Variants in KLHDC4 observed in about 807,000 individuals in gnomAD.
KLHDC4 encodes the protein kelch domain-containing protein 4.
Under a neutral mutation model 62.4 loss-of-function variants are expected in KLHDC4, and 90 were observed. That is an observed-to-expected ratio of 1.44 (90% CI 1.22 to 1.72). KLHDC4 has a LOEUF of 1.72. Among genes scored for constraint, KLHDC4 ranks in the 40% most tolerant of loss-of-function variants. The probability of loss-of-function intolerance (pLI) is 0.00; values close to 1 mark genes in which losing one functional copy is unlikely to be tolerated. For missense variants in KLHDC4, 1,025 were observed against 699.7 expected (o/e 1.47, Z -5.25); for synonymous variants, 386 against 284.4 (o/e 1.36, Z -3.59).
rs143004703 is a variant in KLHDC4, at chr16:87,741,797, G to A, written c.506+6876C>T. Among the ~76,000 whole-genome samples, 27 of 152,270 alleles carry A rather than the reference G, an allele frequency of 1.8e-4. No homozygotes were observed. In the East Asian group the frequency reaches 4.0e-3, roughly 23 times the overall value. ...CAGATACTGAATCCAGACTCCCTGC[G>A]CCTCTACCAATATTTAATTCCCGCC... On this transcript the variant is annotated intron_variant, in intron 5 of 11. Transcript: ENST00000270583.
chr16:87,722,583 G>A (rs1597487802), intron 7 of KLHDC4, among the ~76,000 whole-genome samples: 1 of 152,362 alleles, frequency 6.6e-6, no homozygotes, highest in East Asian at 1.9e-4. Flanking sequence ...ACAGAAGACT[G>A]GCCCTGTGAG....
intron 4 of KLHDC4, among the ~76,000 whole-genome samples, chr16:87,751,347 G>A (rs1012497032): frequency 4.6e-5 from 7 of 152,080 alleles, no homozygotes; most frequent in African/African-American, 1.2e-4. Flanking sequence ...GGTGGCATGC[G>A]CCTGTAAACC....
At chr16:87,711,103 C>A (rs1308782645) in intron 9 of KLHDC4, 132 bp downstream of exon 9, 9 of 798,814 alleles carry the variant, frequency 1.1e-5, no homozygotes, top group Admixed American at 7.0e-5. Context: ...GAGACGGAAC[C>A]CTCGCCCCTC....
chr16:87,743,467 C>T (rs905322309), intron 5 of KLHDC4, among the ~76,000 whole-genome samples: 3 of 152,112 alleles, frequency 2.0e-5, no homozygotes, highest in East Asian at 1.9e-4. Flanking sequence ...TGGCCAGGCG[C>T]CGTGGCTCAT....
chr16:87,765,749 C>G, intron 1 of KLHDC4, 43 bp downstream of exon 1: 7 of 1,532,336 alleles, frequency 4.6e-6, no homozygotes, highest in Non-Finnish European at 3.5e-6. Flanking sequence ...CGAGGCTGCA[C>G]GGCCGCGACG....
chr16:87,757,714 AC>A (rs959981010), intron 2 of KLHDC4, among the ~76,000 whole-genome samples: 9 of 150,396 alleles, frequency 6.0e-5, no homozygotes, highest in African/African-American at 1.2e-4. Flanking sequence ...ACACGGTGAA[AC>A]CCCCCGTCTC....
downstream of KLHDC4, among the ~76,000 whole-genome samples, chr16:87,704,628 C>A (rs570137217): frequency 6.6e-6 from 1 of 151,946 alleles, no homozygotes; most frequent in South Asian, 2.1e-4. Context: ...TGGGGAGGGT[C>A]TCTCTCACCA....
At chr16:87,744,055 G>A (rs1380093387) in intron 5 of KLHDC4, among the ~76,000 whole-genome samples, 1 of 152,114 alleles carries the variant, frequency 6.6e-6, no homozygotes, top group Non-Finnish European at 1.5e-5. Context: ...GAGGGGGGCA[G>A]ATCACTTGAG....
Position 87,761,991 on chromosome 16 carries a change from C to A in KLHDC4, c.149G>T (p.Arg50Met). ...IAHFQTLDAK[R>M]TQTVELPCPP... ...GCACGGAAGTTCCACAGTCTGAGTC[C>A]TCTTGGCATCGAGTGTCTGGAAATG... The change falls in exon 2 of 12, where the codon AGG becomes ATG. Residue 50 changes from arginine to methionine, a missense_variant. Arg to Met is a moderately conservative substitution (Grantham distance 91). Transcript: ENST00000270583. 1 of 1,613,964 alleles carries A rather than the reference C, an allele frequency of 6.2e-7. No homozygotes were observed. The highest frequency in any genetic ancestry group is 1.1e-5 in the South Asian group (1 of 91,040).
At chr16:87,742,691 C>T (rs2143016228) in intron 5 of KLHDC4, among the ~76,000 whole-genome samples, 1 of 152,288 alleles carries the variant, frequency 6.6e-6, no homozygotes, top group African/African-American at 2.4e-5. Context: ...CAGGAAGGAG[C>T]AGTCTCCTGG....
At chr16:87,719,850 T>A (rs2037902785) in intron 7 of KLHDC4, among the ~76,000 whole-genome samples, 1 of 152,160 alleles carries the variant, frequency 6.6e-6, no homozygotes, top group Non-Finnish European at 1.5e-5. Context: ...TGGAATTACT[T>A]AGCATCCGGC....
downstream of KLHDC4, among the ~76,000 whole-genome samples, chr16:87,707,357 G>A (rs778289882): frequency 1.2e-4 from 19 of 152,186 alleles, no homozygotes; most frequent in East Asian, 3.9e-4. Context: ...CCCTAAACCC[G>A]ACTGGGACAG....
At chr16:87,704,666 G>A (rs947887197), downstream of KLHDC4, among the ~76,000 whole-genome samples, 66 of 152,186 alleles carry the variant, frequency 4.3e-4, 1 homozygote, top group African/African-American at 1.5e-3. Context: ...TGGTCCCCCA[G>A]TGACTTTGTC....
intron 1 of KLHDC4, among the ~76,000 whole-genome samples, chr16:87,764,713 T>C (rs1033546073): frequency 5.4e-5 from 8 of 148,536 alleles, no homozygotes; most frequent in Non-Finnish European, 1.5e-5. Flanking sequence ...GAGTGCTTAC[T>C]TTCTGCCAAG....
intron 10 of KLHDC4, 127 bp downstream of exon 10, chr16:87,709,138 G>A (rs1344836843): frequency 6.6e-6 from 8 of 1,205,316 alleles, no homozygotes; most frequent in African/African-American, 1.5e-5. Flanking sequence ...GTGGAGGCAG[G>A]AGCACAGGCG....
chr16:87,765,804 C>G lies in KLHDC4; in HGVS notation c.87G>C (p.Ser29=), dbSNP rs2046580373. The change falls in exon 1 of 12, where the codon TCG becomes TCC. Residue 29 remains serine (S), a synonymous_variant. Transcript: ENST00000270583. ...AKMEKKVSKR[S]RKEEEDLEAL... ...CTGACCCGCTCACCTCCTCCTTCCGCGAGCGCTTAGACACCTTCTTCTCCA... is the reference window on the plus strand; with the variant it reads ...CTGACCCGCTCACCTCCTCCTTCCGGGAGCGCTTAGACACCTTCTTCTCCA... 6.4e-7 allele frequency: 1 copy of G among 1,570,816 alleles called. No homozygotes were observed. The highest frequency in any genetic ancestry group is 8.6e-7 in the Non-Finnish European group (1 of 1,157,780).
exon 1 of KLHDC4, chr16:87,702,171 G>A (rs778393310): frequency 1.5e-5 from 7 of 456,086 alleles, no homozygotes; most frequent in East Asian, 7.0e-5. Flanking sequence ...TGGGTTCAAC[G>A]TTGACCACCA....
chr16:87,726,791 C>T lies in KLHDC4; in HGVS notation c.733G>A (p.Val245Ile), dbSNP rs1457953156. 2.5e-6 allele frequency: 4 copies of T among 1,597,278 alleles called. No homozygotes were observed. Among genetic ancestry groups the T allele is most frequent in the East Asian group, 2.3e-5 (1 of 43,406 alleles). ...TGTTTCGAGTAGCCCCCATAGACGA[C>T]GATGCCGCCCTGGGGAGTGACGGAC... ...QMSVTPQGGI[V>I]VYGGYSKQRV... The change falls in exon 7 of 12, where the codon GTC (valine) becomes ATC (isoleucine). Residue 245 changes from valine (V) to isoleucine (I), a missense_variant. Coordinates refer to ENST00000270583, the MANE Select transcript of KLHDC4 (RefSeq NM_017566.4).
intron 7 of KLHDC4, among the ~76,000 whole-genome samples, chr16:87,721,414 T>TAAA (rs1176744434): frequency 0.064 from 5,068 of 78,822 alleles, 268 homozygotes; most frequent in Non-Finnish European, 0.097. Context: ...ACTCTGTCTC[T>TAAA]AAAAAAAAAA....
Sources: gnomAD v4.1 joint callset for allele counts (sites outside exome capture counted in the v4.1 genomes callset) on GRCh38, gnomAD v4.1.1 for gene constraint, MANE v1.5 for transcripts, NCBI Gene and HGNC (gene_info 2026-07-23, HGNC 2026-07-21) for gene names.